The following ASCC1 variants were observed in gnomAD, a reference collection of about 807,000 sequenced individuals.
The protein encoded by ASCC1 is activating signal cointegrator 1 complex subunit 1.
In ASCC1, 35 loss-of-function variants were observed where a neutral mutation model predicts 46.6. The ratio of observed to expected loss-of-function variants is 0.75; its 90% CI spans 0.57 to 0.99. The LOEUF (loss-of-function observed/expected upper bound fraction) is 0.99. Among genes scored for constraint, ASCC1 ranks in the 50% least tolerant of loss-of-function variants. The pLI is 0.00. For missense variants in ASCC1, 376 were observed against 428.7 expected, an observed-to-expected ratio of 0.88 and a Z score of 1.09; for synonymous variants, 143 against 146.6, an observed-to-expected ratio of 0.98 and a Z score of 0.18.
chr10:72,107,996 C>CAAGA (rs1158433989), intron 9 of ASCC1, among the ~76,000 whole-genome samples: 2 of 151,736 alleles, frequency 1.3e-5, no homozygotes, highest in Non-Finnish European at 2.9e-5. Flanking sequence ...TTCCCTCTTA[C>CAAGA]ATTTCTCATA....
intron 9 of ASCC1, among the ~76,000 whole-genome samples, chr10:72,103,353 C>T (rs900600523): frequency 1.3e-5 from 2 of 151,256 alleles, no homozygotes; most frequent in African/African-American, 4.9e-5. Context: ...AAGATGGTCT[C>T]GATCTCCTGA....
chr10:72,153,064 T>C (rs1458203932), intron 6 of ASCC1, 76 bp from the exon 7 acceptor site: 5 of 1,574,910 alleles, frequency 3.2e-6, no homozygotes, highest in Non-Finnish European at 4.4e-6. Flanking sequence ...ACATGGTTAA[T>C]ACACATAGTC....
At chr10:72,097,883 T>C (rs1841272724) in intron 9 of ASCC1, among the ~76,000 whole-genome samples, 1 of 152,204 alleles carries the variant, frequency 6.6e-6, no homozygotes, top group Non-Finnish European at 1.5e-5. Flanking sequence ...AACATATATC[T>C]AATCAACGCC....
chr10:72,189,156 T>C (rs1243060834), intron 5 of ASCC1, among the ~76,000 whole-genome samples: 1 of 151,970 alleles, frequency 6.6e-6, no homozygotes, highest in Non-Finnish European at 1.5e-5. Context: ...ATACCAGCCC[T>C]TTGGGAGGCC....
At chr10:72,206,484 T>C (rs1857236442) in intron 3 of ASCC1, among the ~76,000 whole-genome samples, 1 of 152,304 alleles carries the variant, frequency 6.6e-6, no homozygotes, top group South Asian at 2.1e-4. Flanking sequence ...AAGGATTAAA[T>C]GTGATCATAT....
chr10:72,127,664 C>CTTCTT (rs1845029505), intron 9 of ASCC1, among the ~76,000 whole-genome samples: 1 of 130,008 alleles, frequency 7.7e-6, no homozygotes, highest in African/African-American at 3.1e-5. Context: ...CTAAGGGTTT[C>CTTCTT]TTTTTTTTTT....
chr10:72,186,645 A>G (rs1239991995), intron 5 of ASCC1, among the ~76,000 whole-genome samples: 2 of 152,210 alleles, frequency 1.3e-5, no homozygotes, highest in African/African-American at 4.8e-5. Flanking sequence ...AATGAAACTT[A>G]CTAAAAATCT....
At chr10:72,217,114 C>T (rs541820623), upstream of ASCC1, 22 of 452,484 alleles carry the variant, frequency 4.9e-5, no homozygotes, top group Admixed American at 4.0e-4. Context: ...AGGTTCTGTG[C>T]TCGGCATTGA....
intron 5 of ASCC1, among the ~76,000 whole-genome samples, chr10:72,172,846 TATA>T (rs1468277761): frequency 7.7e-4 from 104 of 134,350 alleles, no homozygotes; most frequent in South Asian, 2.1e-3. Flanking sequence ...TTATATTATA[TATA>T]ATATTTTTAT....
intron 5 of ASCC1, among the ~76,000 whole-genome samples, chr10:72,190,988 G>A (rs1297025768): frequency 6.9e-5 from 6 of 87,032 alleles, no homozygotes; most frequent in Admixed American, 5.4e-4. Context: ...AGAGCGAGAC[G>A]CCGTCTCAAA....
intron 7 of ASCC1, among the ~76,000 whole-genome samples, chr10:72,141,862 A>C (rs1312879705): frequency 6.6e-6 from 1 of 152,174 alleles, no homozygotes; most frequent in African/African-American, 2.4e-5. Flanking sequence ...TCTCTTATCA[A>C]TGTTAAAGCT....
intron 3 of ASCC1, among the ~76,000 whole-genome samples, chr10:72,209,902 G>C (rs193236514): frequency 2.6e-5 from 4 of 152,326 alleles, no homozygotes; most frequent in Admixed American, 2.0e-4. Flanking sequence ...CTGGTGGCAG[G>C]TGTTTGGATC....
intron 6 of ASCC1, among the ~76,000 whole-genome samples, chr10:72,153,451 G>A (rs1355208501): frequency 1.4e-5 from 2 of 143,538 alleles, no homozygotes; most frequent in Admixed American, 6.6e-5. Context: ...GTTTTGAGAC[G>A]GAGTTTTGCT....
intron 9 of ASCC1, among the ~76,000 whole-genome samples, chr10:72,109,722 C>T (rs1842718698): frequency 1.3e-5 from 2 of 152,188 alleles, no homozygotes; most frequent in South Asian, 4.1e-4. Flanking sequence ...TTCTGCTGAG[C>T]ACCTCAAAAT....
chr10:72,139,079 T>G (rs1277427137), intron 7 of ASCC1, among the ~76,000 whole-genome samples: 1 of 152,102 alleles, frequency 6.6e-6, no homozygotes, highest in Non-Finnish European at 1.5e-5. Flanking sequence ...AAATTTCAGG[T>G]TGACAATATG....
Position 72,174,079 on chromosome 10 carries a change from G to A in ASCC1, c.490-12405C>T, listed in dbSNP as rs143098027. Among the ~76,000 whole-genome samples, 4 of 152,116 alleles carry A rather than the reference G, an allele frequency of 2.6e-5. No individual in the cohort carries two copies. In the East Asian group the frequency reaches 5.8e-4, roughly 22 times the overall value. On this transcript the variant is annotated intron_variant, in intron 5 of 9. Coordinates refer to ENST00000672957, the MANE Select transcript of ASCC1 (RefSeq NM_001198800.3). ...CTCAGTTTCTTTCTTGTTAAATAAGGCCTCATCCATGCATGCGAAAGCTTC... is the reference window on the plus strand; with the variant it reads ...CTCAGTTTCTTTCTTGTTAAATAAGACCTCATCCATGCATGCGAAAGCTTC...
intron 3 of ASCC1, 24 bp downstream of exon 3, chr10:72,210,708 G>T (rs778225301): frequency 6.2e-7 from 1 of 1,605,496 alleles, no homozygotes; most frequent in Non-Finnish European, 8.5e-7. Flanking sequence ...GTCTTCCCAT[G>T]AAACTGTTGG....
chr10:72,206,103 C>CA lies in ASCC1; in HGVS notation c.213-2580dup, dbSNP rs1346301812. Among the ~76,000 whole-genome samples the CA allele has an allele frequency of 8.4e-4, 106 of 126,722 alleles. 2 individuals are homozygous for CA. The highest frequency in any genetic ancestry group is 3.4e-3 in the African/African-American group (93 of 27,730). The allele number at this position is 126,722 out of a possible 152,430, so 83.1% of individuals were successfully genotyped here. A position where few individuals can be genotyped will look rare whatever the true frequency, so the allele number is the denominator to read the frequency against. The stretch of plus-strand genomic sequence containing the variant: ...TGGGTGACAGAGCGAGACTCTGTCT[C>CA]AAAAACAAAAAAAAAAAGAGGCCAG... On this transcript the variant is annotated intron_variant, in intron 3 of 9. Transcript: ENST00000672957.
chr10:72,161,822 T>G (rs1450826454), intron 5 of ASCC1, 148 bp from the exon 6 acceptor site: 14 of 815,902 alleles, frequency 1.7e-5, no homozygotes, highest in Non-Finnish European at 2.6e-5. Context: ...GAAAGTCTCC[T>G]CAATAAATGA....
Sources: gnomAD v4.1 joint callset for allele counts (sites outside exome capture counted in the v4.1 genomes callset) on GRCh38, gnomAD v4.1.1 for gene constraint, MANE v1.5 for transcripts, NCBI Gene and HGNC (gene_info 2026-07-23, HGNC 2026-07-21) for gene names.